The following NWD2 variants were observed in gnomAD, a reference collection of about 807,000 sequenced individuals.
The protein encoded by NWD2 is NACHT and WD repeat domain-containing protein 2.
Under a neutral mutation model 132.7 loss-of-function variants are expected in NWD2, and 37 were observed. The observed-to-expected ratio is 0.28, with a 90% CI of 0.21 to 0.37. The LOEUF (loss-of-function observed/expected upper bound fraction) is 0.37. NWD2 is among the 10% of genes least tolerant of loss of function. NWD2 has a pLI of 1.00. For synonymous variants in NWD2, 705 were observed against 803.0 expected, an observed-to-expected ratio of 0.88 and a Z score of 2.06; for missense variants, 1,592 against 2,122.4, an observed-to-expected ratio of 0.75 and a Z score of 4.91.
At chr4:37,395,799 C>G (rs1720780541) in intron 3 of NWD2, among the ~76,000 whole-genome samples, 1 of 151,322 alleles carries the variant, frequency 6.6e-6, no homozygotes, top group Admixed American at 6.6e-5. Flanking sequence ...AAAACTCCAG[C>G]CTGTTGCCCA....
intron 3 of NWD2, among the ~76,000 whole-genome samples, chr4:37,418,523 A>G (rs1711693540): frequency 6.6e-6 from 1 of 152,058 alleles, no homozygotes; most frequent in East Asian, 1.9e-4. Context: ...GAAAACCAAC[A>G]CTGTGTTAGC....
chr4:37,247,377 C>T (rs190912066), intron 1 of NWD2, among the ~76,000 whole-genome samples: 2 of 152,270 alleles, frequency 1.3e-5, no homozygotes, highest in Non-Finnish European at 1.5e-5. Context: ...ACTGAAGAGC[C>T]TCTCTACTGT....
chr4:37,416,113 G>GC (rs1711589834), intron 3 of NWD2, among the ~76,000 whole-genome samples: 2 of 152,144 alleles, frequency 1.3e-5, no homozygotes, highest in African/African-American at 2.4e-5. Context: ...ACTAGGGCTG[G>GC]CCCCCCACAA....
intron 1 of NWD2, among the ~76,000 whole-genome samples, chr4:37,312,047 T>A (rs1290606484): frequency 6.6e-6 from 1 of 151,978 alleles, no homozygotes; most frequent in Non-Finnish European, 1.5e-5. Flanking sequence ...TAGTATAGTT[T>A]GAAGTCAGGT....
chr4:37,263,391 C>T (rs1717685358), intron 1 of NWD2, among the ~76,000 whole-genome samples: 1 of 152,140 alleles, frequency 6.6e-6, no homozygotes, highest in South Asian at 2.1e-4. Context: ...GTTATACAAG[C>T]TTTCAGTATG....
rs1156884728 is a variant in NWD2, at chr4:37,395,584, C to CAAAAAAAAAAAAAA, written c.358-34976_358-34963dup. Among the ~76,000 whole-genome samples the CAAAAAAAAAAAAAA allele has an allele frequency of 6.7e-3, 122 of 18,276 alleles. 18 individuals carry two copies. Among genetic ancestry groups the CAAAAAAAAAAAAAA allele is most frequent in the East Asian group, 0.02 (8 of 400 alleles). The allele number at this position is 18,276 out of a possible 152,430, so 12.0% of individuals were successfully genotyped here. ...GGGCAACAAGAGCGAAACTCTGTCT[C>CAAAAAAAAAAAAAA]AAAAAAAAAAAAAAAAAAAAAAAAA... On this transcript the variant is annotated intron_variant, in intron 3 of 6. Coordinates refer to ENST00000309447, the MANE Select transcript of NWD2 (RefSeq NM_001144990.2).
rs1718352969 is a variant in NWD2 at position 37,291,200 on chromosome 4, C to A, written c.152-34736C>A. ...TAGCCAACTTCTTACCTTTGTACCT[C>A]TTTGATTTTCTTGCGTTATTTAATA... On this transcript the variant is annotated intron_variant, in intron 1 of 6. Transcript: ENST00000309447. Among the ~76,000 whole-genome samples the A allele has an allele frequency of 2.6e-5, 4 of 152,004 alleles. No homozygotes were observed. In the South Asian group the frequency reaches 6.2e-4, roughly 24 times the overall value.
intron 1 of NWD2, among the ~76,000 whole-genome samples, chr4:37,308,759 C>A (rs973655588): frequency 6.6e-6 from 1 of 151,780 alleles, no homozygotes; most frequent in African/African-American, 2.4e-5. Context: ...AGGGTACAGG[C>A]ACTCAGTAGC....
At chr4:37,411,242 C>T (rs532600003) in intron 3 of NWD2, among the ~76,000 whole-genome samples, 1 of 152,148 alleles carries the variant, frequency 6.6e-6, no homozygotes, top group Non-Finnish European at 1.5e-5. Context: ...ACTAGCCAGA[C>T]TAATAAAGCA....
At chr4:37,417,942 C>G (rs1340592077) in intron 3 of NWD2, among the ~76,000 whole-genome samples, 1 of 152,038 alleles carries the variant, frequency 6.6e-6, no homozygotes, top group Non-Finnish European at 1.5e-5. Context: ...TATGTATATA[C>G]AGAGGTTAGT....
At chr4:37,384,954 T>C (rs1404257391) in intron 3 of NWD2, among the ~76,000 whole-genome samples, 1 of 152,198 alleles carries the variant, frequency 6.6e-6, no homozygotes, top group African/African-American at 2.4e-5. Context: ...CCAATGGTAA[T>C]TAGCACACGT....
intron 2 of NWD2, among the ~76,000 whole-genome samples, chr4:37,328,947 T>C (rs1577669572): frequency 6.6e-6 from 1 of 152,254 alleles, no homozygotes; most frequent in East Asian, 1.9e-4. Context: ...TTGTCTGTTT[T>C]TACGGAATTT....
chr4:37,385,401 A>AC (rs1441821312), intron 3 of NWD2, among the ~76,000 whole-genome samples: 3 of 152,074 alleles, frequency 2.0e-5, no homozygotes, highest in African/African-American at 7.2e-5. Flanking sequence ...AAATTTCACC[A>AC]CCCTGACATA....
chr4:37,357,384 G>A (rs746056015), intron 3 of NWD2, among the ~76,000 whole-genome samples: 17 of 152,166 alleles, frequency 1.1e-4, no homozygotes, highest in Admixed American at 5.2e-4. Flanking sequence ...ATAGGATTAG[G>A]AAGACCTACA....
At chr4:37,428,892 T>C (rs2928293) in intron 3 of NWD2, among the ~76,000 whole-genome samples, 64,685 of 152,042 alleles carry the variant, frequency 0.43, 15,481 homozygotes, top group Non-Finnish European at 0.52. Context: ...CCACCATGCC[T>C]GGCTAGTTTT....
chr4:37,280,801 G>A (rs1718112042), intron 1 of NWD2, among the ~76,000 whole-genome samples: 1 of 152,098 alleles, frequency 6.6e-6, no homozygotes, highest in South Asian at 2.1e-4. Flanking sequence ...AGAAGAAAGT[G>A]CATTTACAGA....
At chr4:37,344,314 C>T (rs958891340) in intron 2 of NWD2, among the ~76,000 whole-genome samples, 4 of 152,034 alleles carry the variant, frequency 2.6e-5, no homozygotes, top group African/African-American at 7.2e-5. Context: ...TTATTTATTT[C>T]GTCAATGTCT....
At chr4:37,245,408 C>T (rs1387878847) in intron 1 of NWD2, among the ~76,000 whole-genome samples, 190 bp downstream of exon 1, 2 of 152,096 alleles carry the variant, frequency 1.3e-5, no homozygotes, top group African/African-American at 4.8e-5. Flanking sequence ...GCCGGTTTTG[C>T]CTGCACACTT....
chr4:37,407,522 G>C (rs550676175), intron 3 of NWD2, among the ~76,000 whole-genome samples: 3 of 152,138 alleles, frequency 2.0e-5, no homozygotes, highest in Admixed American at 6.5e-5. Flanking sequence ...ACCACTGGTC[G>C]ATAGGATAAA....
Sources: allele counts gnomAD v4.1 joint callset (sites outside exome capture counted in the v4.1 genomes callset), GRCh38; gene constraint gnomAD v4.1.1; transcripts MANE v1.5; gene names NCBI Gene and HGNC (gene_info 2026-07-23, HGNC 2026-07-21).